Variants in SDK1 observed in about 807,000 individuals in gnomAD.
The protein encoded by SDK1 is protein sidekick-1.
In SDK1, 157 loss-of-function variants were observed where a neutral mutation model predicts 245.5. That is an observed-to-expected ratio of 0.64 (90% CI 0.56 to 0.73). The LOEUF is 0.73. Ranked by LOEUF, SDK1 falls within the 30% of genes least tolerant of loss-of-function variation. The pLI is 0.00. For synonymous variants in SDK1, 1,647 were observed against 1,278.5 expected (o/e 1.29, Z -6.15); for missense variants, 3,583 against 3,002.3 (o/e 1.19, Z -4.52).
At chr7:3,747,319 A>C (rs892516607) in intron 4 of SDK1, among the ~76,000 whole-genome samples, 1 of 152,232 alleles carries the variant, frequency 6.6e-6, no homozygotes, top group Non-Finnish European at 1.5e-5. Context: ...TAATGACATA[A>C]CAACCACTGT....
intron 5 of SDK1, among the ~76,000 whole-genome samples, chr7:3,929,883 G>T (rs1779912329): frequency 6.6e-6 from 1 of 152,210 alleles, no homozygotes; most frequent in African/African-American, 2.4e-5. Flanking sequence ...TGCCAGCATT[G>T]CTCAGCTTCT....
chr7:4,233,286 C>T lies in SDK1; in HGVS notation c.5859C>T (p.Asp1953=), dbSNP rs768322302. The T allele has an allele frequency of 6.2e-6, 10 of 1,613,938 alleles. No homozygotes were observed. Among genetic ancestry groups the T allele is most frequent in the Non-Finnish European group, 8.5e-6 (10 of 1,179,998 alleles). ...DEGLWDMFVK[D]IPRSATSYTL... ...GCTTATGGGACATGTTTGTGAAGGACATCCCGCGGAGCGCCACATCCTACA... is the reference window on the plus strand; with the variant it reads ...GCTTATGGGACATGTTTGTGAAGGATATCCCGCGGAGCGCCACATCCTACA... Residue 1953 remains aspartate (D), a synonymous_variant, in exon 41 of 45, where the codon GAC becomes GAT. Coordinates refer to ENST00000404826, the MANE Select transcript of SDK1 (RefSeq NM_152744.4).
intron 4 of SDK1, among the ~76,000 whole-genome samples, chr7:3,813,309 T>C (rs1448689225): frequency 7.1e-6 from 1 of 141,530 alleles, no homozygotes; most frequent in African/African-American, 2.6e-5. Flanking sequence ...CCCCTTCCTG[T>C]GTCCATGTGT....
chr7:3,749,456 C>T (rs904812084), intron 4 of SDK1, among the ~76,000 whole-genome samples: 11 of 152,198 alleles, frequency 7.2e-5, no homozygotes, highest in South Asian at 2.1e-4. Flanking sequence ...TGTACCACCA[C>T]GCCTGGCTAA....
chr7:3,445,602 A>T (rs1780318553), intron 1 of SDK1, among the ~76,000 whole-genome samples: 1 of 152,184 alleles, frequency 6.6e-6, no homozygotes, highest in Non-Finnish European at 1.5e-5. Flanking sequence ...TTGCTTATAT[A>T]ATTTAGTACA....
intron 4 of SDK1, among the ~76,000 whole-genome samples, chr7:3,734,255 C>G (rs568643255): frequency 6.6e-6 from 1 of 152,234 alleles, no homozygotes; most frequent in East Asian, 1.9e-4. Flanking sequence ...TAGCAGAGAC[C>G]TAATACATAA....
intron 16 of SDK1, 112 bp downstream of exon 16, chr7:4,012,347 C>A: frequency 8.4e-7 from 1 of 1,193,076 alleles, no homozygotes; most frequent in South Asian, 2.1e-5. Flanking sequence ...CCAAAGGAGT[C>A]AGGCCAGGTG....
intron 30 of SDK1, among the ~76,000 whole-genome samples, chr7:4,149,883 C>A (rs1035532091): frequency 1.3e-5 from 2 of 152,092 alleles, no homozygotes; most frequent in South Asian, 4.1e-4. Context: ...CTTGCGTTCT[C>A]GAAAGCAGCA....
intron 1 of SDK1, among the ~76,000 whole-genome samples, chr7:3,336,813 C>G (rs778137402): frequency 6.6e-6 from 1 of 152,192 alleles, no homozygotes; most frequent in African/African-American, 2.4e-5. Flanking sequence ...GCTGAACTCT[C>G]ACCCCATCTG....
At chr7:4,051,251 GTATATAATATA>G (rs1789455004) in intron 18 of SDK1, among the ~76,000 whole-genome samples, 1 of 141,402 alleles carries the variant, frequency 7.1e-6, no homozygotes. Flanking sequence ...TATATAGGTT[GTATATAATATA>G]TATATAATAT....
chr7:3,355,589 CCT>C (rs1311518464), intron 1 of SDK1, among the ~76,000 whole-genome samples: 1 of 152,176 alleles, frequency 6.6e-6, no homozygotes, highest in Non-Finnish European at 1.5e-5. Flanking sequence ...TTCTCAATCC[CCT>C]GTTCCCTCCA....
chr7:3,768,873 C>T lies in SDK1; in HGVS notation c.714-52577C>T, dbSNP rs985803086. On this transcript the variant is annotated intron_variant, in intron 4 of 44. Coordinates refer to ENST00000404826, the MANE Select transcript of SDK1 (RefSeq NM_152744.4). ...GTTTTCCTTCCCCACTCCTTTAGATCCTGTTTGGTAGACTTGCCGTAGGAA... is the reference window on the plus strand; with the variant it reads ...GTTTTCCTTCCCCACTCCTTTAGATTCTGTTTGGTAGACTTGCCGTAGGAA... 5.9e-5 allele frequency among the ~76,000 whole-genome samples: 9 copies of T among 152,256 alleles called. No homozygotes were observed. The East Asian group carries it at 1.4e-3, about 23-fold the overall frequency.
chr7:4,161,661 GAC>G, intron 31 of SDK1, 123 bp from the exon 32 acceptor site: 2 of 735,920 alleles, frequency 2.7e-6, no homozygotes, highest in Non-Finnish European at 4.8e-6. Flanking sequence ...AGGAGAAGGG[GAC>G]CCCTGGAGAA....
At chr7:4,208,336 T>G in intron 37 of SDK1, 51 bp downstream of exon 37, 2 of 1,552,060 alleles carry the variant, frequency 1.3e-6, no homozygotes, top group South Asian at 1.1e-5. Flanking sequence ...ACACGTGTTT[T>G]GAGAGCGCCA....
Position 3,520,214 on chromosome 7 carries a change from A to G in SDK1, c.299-98866A>G, listed in dbSNP as rs371155287. 7.2e-5 allele frequency among the ~76,000 whole-genome samples: 11 copies of G among 152,244 alleles called. 1 individual carries two copies. The East Asian group carries it at 2.1e-3, about 29-fold the overall frequency. The stretch of plus-strand genomic sequence containing the variant: ...TTTGGAATAGTGATTTGTAAGTGAC[A>G]TGGTTTAAGGGTTTGGACCAACAGG... On this transcript the variant is annotated intron_variant, in intron 1 of 44. Transcript: ENST00000404826.
intron 2 of SDK1, among the ~76,000 whole-genome samples, chr7:3,629,720 A>C (rs919382644): frequency 3.3e-5 from 5 of 152,204 alleles, no homozygotes; most frequent in Admixed American, 2.0e-4. Flanking sequence ...TATTTATAGG[A>C]ATGCAAAAAT....
chr7:3,530,420 C>T (rs879274268), intron 1 of SDK1, among the ~76,000 whole-genome samples: 15 of 152,060 alleles, frequency 9.9e-5, no homozygotes, highest in African/African-American at 1.7e-4. Context: ...TCCCAAATTA[C>T]TAAAGGAAAA....
At chr7:3,382,109 TTTTA>T (rs1407334779) in intron 1 of SDK1, among the ~76,000 whole-genome samples, 4 of 152,034 alleles carry the variant, frequency 2.6e-5, no homozygotes, top group Non-Finnish European at 5.9e-5. Flanking sequence ...CTCATTTTAT[TTTTA>T]TTTTTTATTT....
At chr7:3,734,261 C>T (rs1372020583) in intron 4 of SDK1, among the ~76,000 whole-genome samples, 2 of 152,138 alleles carry the variant, frequency 1.3e-5, no homozygotes. Context: ...AGACCTAATA[C>T]ATAATTGGTG....
Sources: allele counts gnomAD v4.1 joint callset (sites outside exome capture counted in the v4.1 genomes callset), GRCh38; gene constraint gnomAD v4.1.1; transcripts MANE v1.5; gene names NCBI Gene and HGNC (gene_info 2026-07-23, HGNC 2026-07-21).